NTM: variants seen among roughly 807,000 people sequenced by gnomAD.
NTM encodes IgLON family member 2.
A neutral mutation model predicts 42.1 loss-of-function variants in NTM; 13 were observed. That is an observed-to-expected ratio of 0.31 (90% CI 0.20 to 0.49). The LOEUF (loss-of-function observed/expected upper bound fraction) is 0.49. Among genes scored for constraint, NTM ranks in the 20% least tolerant of loss-of-function variants. The pLI, the probability that NTM is intolerant of heterozygous loss-of-function variation, is 0.99. For synonymous variants in NTM, 187 were observed against 179.2 expected (o/e 1.04, Z -0.35); for missense variants, 373 against 452.8 (o/e 0.82, Z 1.60).
chr11:131,577,807 T>G (rs2058063756), intron 1 of NTM, among the ~76,000 whole-genome samples: 1 of 152,230 alleles, frequency 6.6e-6, no homozygotes, highest in Non-Finnish European at 1.5e-5. Flanking sequence ...GTCTTAGATT[T>G]ATTAAGATTA....
At chr11:131,607,498 C>A (rs144666936) in intron 1 of NTM, among the ~76,000 whole-genome samples, 1 of 152,168 alleles carries the variant, frequency 6.6e-6, no homozygotes, top group African/African-American at 2.4e-5. Context: ...CATGACATGA[C>A]CCATAATTGC....
At chr11:131,743,022 CTTTG>C (rs531035996) in intron 1 of NTM, among the ~76,000 whole-genome samples, 1 of 152,152 alleles carries the variant, frequency 6.6e-6, no homozygotes, top group Admixed American at 6.5e-5. Flanking sequence ...AGGTCTTTAG[CTTTG>C]TTTGATTGTT....
At chr11:132,091,724 C>G (rs1413469871) in intron 2 of NTM, among the ~76,000 whole-genome samples, 1 of 152,066 alleles carries the variant, frequency 6.6e-6, no homozygotes. Flanking sequence ...TCAAGCAGTC[C>G]TCCTGCCTCA....
rs1010507395 is a variant in NTM, at chr11:131,953,257, G to A, written c.167+41609G>A. Among the ~76,000 whole-genome samples the A allele has an allele frequency of 2.6e-5, 4 of 151,940 alleles. No individual in the cohort carries two copies. In the South Asian group the frequency reaches 6.2e-4, roughly 24 times the overall value. Reference sequence around the variant, plus strand: ...CTAAGCCTTCTAAAAATAGAGGCACGCTCTATTTTTTTCCATATTTTTATA... The same window carrying A: ...CTAAGCCTTCTAAAAATAGAGGCACACTCTATTTTTTTCCATATTTTTATA... On this transcript the variant is annotated intron_variant, in intron 2 of 8. Transcript: ENST00000683400.
At chr11:131,643,837 G>A (rs949363910) in intron 1 of NTM, among the ~76,000 whole-genome samples, 1 of 152,200 alleles carries the variant, frequency 6.6e-6, no homozygotes, top group Non-Finnish European at 1.5e-5. Context: ...AGTACTGTGA[G>A]AGAGTTGTAA....
intron 1 of NTM, among the ~76,000 whole-genome samples, chr11:131,723,576 AT>A (rs2078617855): frequency 6.7e-6 from 1 of 149,726 alleles, no homozygotes; most frequent in Non-Finnish European, 1.5e-5. Flanking sequence ...TCTTTCCTTC[AT>A]TTATTTCTAT....
At chr11:131,463,772 G>T (rs1385960633) in intron 1 of NTM, among the ~76,000 whole-genome samples, 2 of 152,136 alleles carry the variant, frequency 1.3e-5, no homozygotes, top group African/African-American at 2.4e-5. Flanking sequence ...GGGCATCGGC[G>T]CCTCTCAGAC....
At chr11:131,639,683 C>T (rs866696499) in intron 1 of NTM, among the ~76,000 whole-genome samples, 3 of 152,162 alleles carry the variant, frequency 2.0e-5, no homozygotes, top group African/African-American at 2.4e-5. Flanking sequence ...CCTGGCCCGG[C>T]GCGGTGGCTC....
At chr11:131,700,702 A>C (rs925376275) in intron 1 of NTM, among the ~76,000 whole-genome samples, 4 of 152,196 alleles carry the variant, frequency 2.6e-5, no homozygotes, top group African/African-American at 9.6e-5. Flanking sequence ...TGCAGAACTG[A>C]TGTAACCCTT....
chr11:131,439,599 A>G (rs1302441936), intron 1 of NTM, among the ~76,000 whole-genome samples: 8 of 152,344 alleles, frequency 5.3e-5, no homozygotes, highest in African/African-American at 1.9e-4. Context: ...CTCTGTGGGC[A>G]TGGGACCGGC....
At chr11:132,119,806 C>T (rs1188858609) in intron 2 of NTM, among the ~76,000 whole-genome samples, 1 of 152,242 alleles carries the variant, frequency 6.6e-6, no homozygotes, top group African/African-American at 2.4e-5. Context: ...TGGCAATGCA[C>T]AGGCAGTGCT....
intron 1 of NTM, among the ~76,000 whole-genome samples, chr11:131,373,480 G>T (rs1283048696): frequency 1.3e-5 from 2 of 152,050 alleles, no homozygotes; most frequent in Non-Finnish European, 2.9e-5. Context: ...GCTTAGGTAG[G>T]GAGGGGGGTT....
At chr11:131,788,594 T>C (rs1453259153) in intron 1 of NTM, among the ~76,000 whole-genome samples, 1 of 152,206 alleles carries the variant, frequency 6.6e-6, no homozygotes, top group Non-Finnish European at 1.5e-5. Context: ...TTGAAAACAA[T>C]ATAAAATATA....
intron 3 of NTM, among the ~76,000 whole-genome samples, chr11:132,159,140 G>A (rs1161808868): frequency 1.3e-5 from 2 of 152,190 alleles, no homozygotes; most frequent in Non-Finnish European, 2.9e-5. Context: ...ATGAAAACAA[G>A]GCTGAGATTG....
intron 4 of NTM, among the ~76,000 whole-genome samples, chr11:132,268,670 CTGTGTGTG>C (rs780327988): frequency 6.8e-6 from 1 of 146,320 alleles, no homozygotes; most frequent in Non-Finnish European, 1.5e-5. Context: ...CTCTCTCTCT[CTGTGTGTG>C]TGTGTGTGTG....
Position 131,780,936 on chromosome 11 carries a change from C to T in NTM, c.83-130628C>T, listed in dbSNP as rs1046644956. ...TGAAAAGATTTGCTGGAATCTGTGT[C>T]GTACTTACAAGATGAATACCATTAC... On this transcript the variant is annotated intron_variant, in intron 1 of 8. Transcript: ENST00000683400. 3.3e-5 allele frequency among the ~76,000 whole-genome samples: 5 copies of T among 152,170 alleles called. No individual in the cohort carries two copies. In the East Asian group the frequency reaches 7.7e-4, roughly 24 times the overall value.
intron 1 of NTM, among the ~76,000 whole-genome samples, chr11:131,447,815 G>T (rs1343766727): frequency 6.6e-6 from 1 of 152,160 alleles, no homozygotes; most frequent in Non-Finnish European, 1.5e-5. Flanking sequence ...ATCTCCATTT[G>T]GGCCTCCAGC....
intron 4 of NTM, among the ~76,000 whole-genome samples, chr11:132,225,267 A>T (rs936572877): frequency 2.6e-5 from 4 of 152,106 alleles, no homozygotes; most frequent in African/African-American, 4.8e-5. Context: ...ATAAATAAAT[A>T]TGCAACCCAA....
At chr11:131,906,930 T>C (rs117061982) in intron 1 of NTM, among the ~76,000 whole-genome samples, 369 of 152,320 alleles carry the variant, frequency 2.4e-3, no homozygotes, top group Non-Finnish European at 4.3e-3. Context: ...CCTGTATTCA[T>C]AGAGGAGCAA....
Sources: gnomAD v4.1 joint callset for allele counts (sites outside exome capture counted in the v4.1 genomes callset) on GRCh38, gnomAD v4.1.1 for gene constraint, MANE v1.5 for transcripts, NCBI Gene and HGNC (gene_info 2026-07-23, HGNC 2026-07-21) for gene names.